Variants in CDK14 observed in about 807,000 individuals in gnomAD.
CDK14 encodes cyclin-dependent kinase 14.
CDK14 carries 34 observed loss-of-function variants against 60.7 expected under a neutral mutation model. The ratio of observed to expected loss-of-function variants is 0.56; its 90% CI spans 0.43 to 0.75. The LOEUF is 0.75. Ranked by LOEUF, CDK14 falls within the 30% of genes least tolerant of loss-of-function variation. CDK14 has a pLI of 0.00. For missense variants in CDK14, 482 were observed against 564.1 expected, an observed-to-expected ratio of 0.85 and a Z score of 1.47; for synonymous variants, 197 against 203.7, an observed-to-expected ratio of 0.97 and a Z score of 0.28.
At chr7:90,841,988 A>G (rs948902489) in intron 5 of CDK14, among the ~76,000 whole-genome samples, 15 of 152,142 alleles carry the variant, frequency 9.9e-5, no homozygotes, top group African/African-American at 3.6e-4. Context: ...TTTTTAAAAA[A>G]TAATCATAAC....
intron 3 of CDK14, among the ~76,000 whole-genome samples, chr7:90,738,897 C>A (rs200484641): frequency 6.6e-6 from 1 of 150,498 alleles, no homozygotes; most frequent in Non-Finnish European, 1.5e-5. Context: ...CTGAATTATT[C>A]TTTTTTTTTT....
chr7:90,974,498 A>G (rs968295348), intron 9 of CDK14, among the ~76,000 whole-genome samples: 1 of 152,190 alleles, frequency 6.6e-6, no homozygotes, highest in Non-Finnish European at 1.5e-5. Flanking sequence ...GGCTTCAGCC[A>G]GTCCCTCTGT....
intron 2 of CDK14, among the ~76,000 whole-genome samples, chr7:90,700,180 G>T (rs1477354797): frequency 6.6e-6 from 1 of 152,084 alleles, no homozygotes; most frequent in Non-Finnish European, 1.5e-5. Flanking sequence ...TGCCACCACC[G>T]ACTCCCTGGT....
chr7:90,610,960 C>T (rs753641917), intron 2 of CDK14, among the ~76,000 whole-genome samples: 3 of 152,186 alleles, frequency 2.0e-5, no homozygotes, highest in Non-Finnish European at 2.9e-5. Context: ...TAGGTGTCCA[C>T]TCCCTGTCAA....
intron 14 of CDK14, among the ~76,000 whole-genome samples, chr7:91,150,411 T>C (rs1205595572): frequency 1.3e-5 from 2 of 152,224 alleles, no homozygotes; most frequent in Non-Finnish European, 2.9e-5. Context: ...TATATTTACA[T>C]GTATTTCAAA....
At chr7:91,095,579 A>G (rs1232656641) in intron 12 of CDK14, among the ~76,000 whole-genome samples, 1 of 152,196 alleles carries the variant, frequency 6.6e-6, no homozygotes, top group Non-Finnish European at 1.5e-5. Context: ...ACTTGGTATC[A>G]ACTTAACCAA....
intron 2 of CDK14, among the ~76,000 whole-genome samples, chr7:90,645,825 C>T (rs1347282331): frequency 6.6e-6 from 1 of 152,178 alleles, no homozygotes; most frequent in African/African-American, 2.4e-5. Context: ...GAAAAAAGAA[C>T]GTTGAAAATG....
intron 12 of CDK14, among the ~76,000 whole-genome samples, chr7:91,086,496 G>A (rs1369902773): frequency 6.6e-6 from 1 of 152,044 alleles, no homozygotes; most frequent in African/African-American, 2.4e-5. Flanking sequence ...CCTCTCTGCT[G>A]TTGTTCCCGA....
intron 4 of CDK14, among the ~76,000 whole-genome samples, chr7:90,789,139 A>G (rs918293935): frequency 2.6e-5 from 4 of 152,222 alleles, no homozygotes; most frequent in African/African-American, 9.6e-5. Flanking sequence ...TTATTACATC[A>G]TTGTAGTAGC....
chr7:90,596,790 C>A (rs950527426), intron 1 of CDK14, 72 bp downstream of exon 1: 5 of 1,295,930 alleles, frequency 3.9e-6, no homozygotes, highest in African/African-American at 1.5e-5. Context: ...GCGTTCCTGG[C>A]ACCAGCCATG....
intron 4 of CDK14, among the ~76,000 whole-genome samples, chr7:90,768,230 G>T (rs1350389609): frequency 2.6e-5 from 4 of 152,204 alleles, no homozygotes; most frequent in African/African-American, 9.7e-5. Context: ...GTTTATAGTT[G>T]TAAATGTAAT....
At chr7:90,816,382 T>C (rs540770173) in intron 5 of CDK14, among the ~76,000 whole-genome samples, 23 of 152,334 alleles carry the variant, frequency 1.5e-4, no homozygotes, top group African/African-American at 4.6e-4. Context: ...TGCTCAGATG[T>C]TCACTGTTAT....
intron 4 of CDK14, among the ~76,000 whole-genome samples, chr7:90,786,855 G>T (rs1265081911): frequency 2.0e-5 from 3 of 150,150 alleles, no homozygotes; most frequent in Non-Finnish European, 4.4e-5. Context: ...GGAGATGGAG[G>T]CTGGAGGCTG....
intron 10 of CDK14, among the ~76,000 whole-genome samples, chr7:91,032,840 A>G (rs1019409889): frequency 4.6e-5 from 7 of 152,234 alleles, no homozygotes; most frequent in African/African-American, 1.7e-4. Flanking sequence ...ATATTAACAT[A>G]TTTTTGAAGA....
At chr7:90,896,817 A>G (rs1554368726) in intron 6 of CDK14, among the ~76,000 whole-genome samples, 1 of 152,176 alleles carries the variant, frequency 6.6e-6, no homozygotes, top group Non-Finnish European at 1.5e-5. Context: ...ATATACTCTG[A>G]TGTTAATTTT....
intron 9 of CDK14, among the ~76,000 whole-genome samples, chr7:90,983,729 C>T (rs927202673): frequency 6.6e-6 from 1 of 151,610 alleles, no homozygotes; most frequent in Non-Finnish European, 1.5e-5. Flanking sequence ...AACATGGATG[C>T]AGCTGGAGGC....
chr7:90,688,988 A>G (rs1443218608), intron 2 of CDK14, among the ~76,000 whole-genome samples: 1 of 152,138 alleles, frequency 6.6e-6, no homozygotes, highest in Non-Finnish European at 1.5e-5. Flanking sequence ...AGTAAACCAG[A>G]AAGAACAGTC....
intron 2 of CDK14, among the ~76,000 whole-genome samples, chr7:90,689,776 T>A (rs1486876123): frequency 3.9e-5 from 6 of 152,180 alleles, no homozygotes; most frequent in African/African-American, 9.6e-5. Context: ...AAATAGCATT[T>A]GAAAAAATGT....
At chr7:90,896,757 C>G (rs1464614286) in intron 6 of CDK14, among the ~76,000 whole-genome samples, 2 of 152,014 alleles carry the variant, frequency 1.3e-5, no homozygotes, top group African/African-American at 2.4e-5. Flanking sequence ...TGCTGTTGTT[C>G]CAATATCAAA....
Sources: gnomAD v4.1 joint callset for allele counts (sites outside exome capture counted in the v4.1 genomes callset) on GRCh38, gnomAD v4.1.1 for gene constraint, MANE v1.5 for transcripts, NCBI Gene and HGNC (gene_info 2026-07-23, HGNC 2026-07-21) for gene names.